Variants in TRPC5 observed in about 807,000 individuals in gnomAD.
The protein encoded by TRPC5 is short transient receptor potential channel 5.
A neutral mutation model predicts 56.5 loss-of-function variants in TRPC5; 9 were observed. The observed-to-expected ratio is 0.16, with a 90% CI of 0.10 to 0.28. TRPC5 has a LOEUF of 0.28. Ranked by LOEUF, TRPC5 falls within the 10% of genes least tolerant of loss-of-function variation. The probability of loss-of-function intolerance (pLI) is 1.00; values close to 1 mark genes in which losing one functional copy is unlikely to be tolerated. For missense variants in TRPC5, 469 were observed against 748.9 expected, an observed-to-expected ratio of 0.63 and a Z score of 4.36; for synonymous variants, 282 against 278.5, an observed-to-expected ratio of 1.01 and a Z score of -0.13.
At chrX:111,969,634 G>C (rs1273889590) in intron 1 of TRPC5, among the ~76,000 whole-genome samples, 1 of 111,749 alleles carries the variant, frequency 8.9e-6, no homozygotes, top group Non-Finnish European at 1.9e-5. Flanking sequence ...AGGCTGGGTA[G>C]GATATAGATA....
intron 3 of TRPC5, chrX:111,902,102 G>T (rs1468922351): frequency 8.7e-7 from 1 of 1,154,074 alleles, no homozygotes; most frequent in Admixed American, 2.6e-5. Flanking sequence ...CCTAATATTT[G>T]ATATAGATCA....
intron 7 of TRPC5, among the ~76,000 whole-genome samples, chrX:111,807,952 C>CTGTGTGTG (rs1251135483): frequency 1.2e-5 from 1 of 82,238 alleles, no homozygotes; most frequent in African/African-American, 1.1e-4. Context: ...CTCTCTCTCT[C>CTGTGTGTG]TCTCTGTGTG....
intron 2 of TRPC5, among the ~76,000 whole-genome samples, chrX:111,939,558 A>G (rs979026735): frequency 9.0e-6 from 1 of 111,367 alleles, no homozygotes; most frequent in Non-Finnish European, 1.9e-5. Context: ...ACTTTTTATT[A>G]TAGCTTTGTT....
At chrX:111,873,263 A>G (rs1448180272) in intron 3 of TRPC5, among the ~76,000 whole-genome samples, 1 of 111,889 alleles carries the variant, frequency 8.9e-6, no homozygotes, top group African/African-American at 3.3e-5. Flanking sequence ...AAAACCAAAT[A>G]CCACATGTTC....
At chrX:111,971,221 T>C (rs1007375825) in intron 1 of TRPC5, among the ~76,000 whole-genome samples, 3 of 111,692 alleles carry the variant, frequency 2.7e-5, no homozygotes, top group African/African-American at 9.8e-5. Context: ...ATTATGGTAC[T>C]TAGAGACTAT....
intron 2 of TRPC5, among the ~76,000 whole-genome samples, chrX:111,934,254 GTT>G (rs779910448): frequency 1.1e-5 from 1 of 90,968 alleles, no homozygotes. Context: ...GTTTTGTTCT[GTT>G]TTTTTTTTTG....
chrX:111,937,216 T>A (rs1446584725), intron 2 of TRPC5, among the ~76,000 whole-genome samples: 1 of 106,391 alleles, frequency 9.4e-6, no homozygotes, highest in South Asian at 3.9e-4. Context: ...GTAAATTTGT[T>A]GGAGTTCATT....
intron 2 of TRPC5, among the ~76,000 whole-genome samples, chrX:111,919,953 A>G (rs757186414): frequency 3.0e-4 from 34 of 112,312 alleles, no homozygotes; most frequent in Non-Finnish European, 6.2e-4. Context: ...CTCAACAAAC[A>G]TGGTTCCTAT....
chrX:111,940,477 T>A (rs1926742822), intron 2 of TRPC5, among the ~76,000 whole-genome samples: 1 of 110,449 alleles, frequency 9.1e-6, no homozygotes, highest in Non-Finnish European at 1.9e-5. Flanking sequence ...GATCACCAGG[T>A]CAGGAGATAG....
At chrX:111,888,562 C>T (rs1161818354) in intron 3 of TRPC5, among the ~76,000 whole-genome samples, 4 of 104,002 alleles carry the variant, frequency 3.8e-5, no homozygotes, top group African/African-American at 1.4e-4. Flanking sequence ...GGCATGGTGG[C>T]AGGTGCCTGT....
At chrX:112,006,147 C>T (rs1398904901) in intron 1 of TRPC5, among the ~76,000 whole-genome samples, 1 of 111,270 alleles carries the variant, frequency 9.0e-6, no homozygotes, top group Non-Finnish European at 1.9e-5. Flanking sequence ...GTGGTGAACA[C>T]AGCTCAACAA....
intron 1 of TRPC5, among the ~76,000 whole-genome samples, chrX:111,994,173 TTCTTGTTTTTGTCAGGTTTG>T (rs1228811612): frequency 8.9e-6 from 1 of 112,017 alleles, no homozygotes; most frequent in East Asian, 2.8e-4. Context: ...CTTTCCCCAT[TTCTTGTTTTTGTCAGGTTTG>T]TCAAAGATCA....
At chrX:111,859,799 C>T (rs1028863027) in intron 3 of TRPC5, among the ~76,000 whole-genome samples, 1 of 111,908 alleles carries the variant, frequency 8.9e-6, no homozygotes, top group Non-Finnish European at 1.9e-5. Flanking sequence ...GTAAAGTAAC[C>T]AGTTTTTTTT....
At chrX:111,957,971 T>A (rs1352248447) in intron 1 of TRPC5, among the ~76,000 whole-genome samples, 1 of 112,024 alleles carries the variant, frequency 8.9e-6, no homozygotes, top group East Asian at 2.8e-4. Context: ...GAGCTGTGTC[T>A]TGAAGGGTTG....
rs1019555646 is a variant in TRPC5 at position 111,774,588 on chromosome X, A to G, written c.*1725T>C. 1 of 110,965 alleles carries G rather than the reference A, an allele frequency of 9.0e-6. No homozygotes were observed. Among genetic ancestry groups the G allele is most frequent in the Non-Finnish European group, 1.9e-5 (1 of 52,954 alleles). The allele number at this position is 110,965 out of a possible 1,213,427, so 9.1% of individuals were successfully genotyped here. A position where few individuals can be genotyped will look rare whatever the true frequency, so the allele number is the denominator to read the frequency against. ...TTTTCACTTGATCACTTTTTCCTGG[A>G]TATGAGGCTTTATTCTTCAAAACCT... On this transcript the variant is annotated 3_prime_UTR_variant, in exon 11 of 11. Transcript: ENST00000262839.
intron 3 of TRPC5, among the ~76,000 whole-genome samples, chrX:111,899,821 C>T (rs901423749): frequency 8.1e-5 from 9 of 111,441 alleles, no homozygotes; most frequent in Non-Finnish European, 1.7e-4. Context: ...TTACATGAGA[C>T]GTTTTTCTCT....
At chrX:112,029,369 C>A (rs575229493) in intron 1 of TRPC5, among the ~76,000 whole-genome samples, 45 of 111,795 alleles carry the variant, frequency 4.0e-4, no homozygotes, top group African/African-American at 1.2e-3. Flanking sequence ...TGTATATGTA[C>A]CACATTTTCT....
At chrX:111,937,028 T>C (rs1926604784) in intron 2 of TRPC5, among the ~76,000 whole-genome samples, 1 of 106,110 alleles carries the variant, frequency 9.4e-6, no homozygotes, top group Admixed American at 9.8e-5. Flanking sequence ...TTTTTAATGA[T>C]TGCCATTCTA....
chrX:112,022,675 A>G (rs753141782), intron 1 of TRPC5, among the ~76,000 whole-genome samples: 80 of 112,237 alleles, frequency 7.1e-4, no homozygotes, highest in Non-Finnish European at 1.3e-3. Context: ...AGTAGTTTCA[A>G]AATTACAACC....
Sources: allele counts gnomAD v4.1 joint callset (sites outside exome capture counted in the v4.1 genomes callset), GRCh38; gene constraint gnomAD v4.1.1; transcripts MANE v1.5; gene names NCBI Gene and HGNC (gene_info 2026-07-23, HGNC 2026-07-21).